The following SLC2A7 variants were observed in gnomAD, a reference collection of about 807,000 sequenced individuals.
SLC2A7 encodes the protein solute carrier family 2 member 7, also known as solute carrier family 2, facilitated glucose transporter member 7.
Under a neutral mutation model 50.5 loss-of-function variants are expected in SLC2A7, and 50 were observed. That is an observed-to-expected ratio of 0.99 (90% confidence interval 0.79 to 1.25). The LOEUF is 1.25. Among genes scored for constraint, SLC2A7 ranks in the 50% most tolerant of loss-of-function variants. SLC2A7 has a pLI of 0.00. For missense variants in SLC2A7, 683 were observed against 679.1 expected, an observed-to-expected ratio of 1.01 and a Z score of -0.06; for synonymous variants, 308 against 300.4, an observed-to-expected ratio of 1.03 and a Z score of -0.26.
chr1:9,007,375 G>C lies in SLC2A7; in HGVS notation c.1127C>G (p.Pro376Arg), dbSNP rs374675660. Residue 376 changes from proline (P) to arginine (R), a missense_variant, in exon 10 of 12, where the codon CCC becomes CGC. Pro to Arg is a moderately radical substitution (Grantham distance 103, BLOSUM62 -2). Coordinates refer to ENST00000400906, the MANE Select transcript of SLC2A7 (RefSeq NM_207420.3). ...TVVLLFQNRV[P>R]ELSYLGIICV... ...GATGATGCCGAGGTAGGACAGCTCG[G>C]GGACCCTGTTCTGTGGGGAGAGGCA... 6.2e-7 allele frequency: 1 copy of C among 1,614,144 alleles called. No homozygotes were observed. The highest frequency in any genetic ancestry group is 8.5e-7 in the Non-Finnish European group (1 of 1,180,008).
At chr1:9,021,383 G>A (rs1640910873) in intron 3 of SLC2A7, among the ~76,000 whole-genome samples, 1 of 152,222 alleles carries the variant, frequency 6.6e-6, no homozygotes, top group East Asian at 1.9e-4. Context: ...CTACAGGTCT[G>A]GGGGTGATGA....
chr1:8,994,920 A>C, the SLC2A7 span, among the ~76,000 whole-genome samples: 1 of 151,428 alleles, frequency 6.6e-6, no homozygotes, highest in African/African-American at 2.4e-5. Flanking sequence ...ACAGGGGCTC[A>C]ACACCACGCC....
chr1:9,009,983 T>A (rs1479743412), intron 9 of SLC2A7, among the ~76,000 whole-genome samples, 160 bp downstream of exon 9: 1 of 152,258 alleles, frequency 6.6e-6, no homozygotes, highest in African/African-American at 2.4e-5. Context: ...TCTGTGACAT[T>A]CACTTCAGGA....
chr1:9,021,389 G>C (rs1240891086), intron 3 of SLC2A7, among the ~76,000 whole-genome samples: 1 of 152,150 alleles, frequency 6.6e-6, no homozygotes, highest in Non-Finnish European at 1.5e-5. Context: ...GTCTGGGGGT[G>C]ATGAAGCTGT....
At chr1:9,024,099 G>C (rs986100462) in intron 2 of SLC2A7, among the ~76,000 whole-genome samples, 5 of 151,972 alleles carry the variant, frequency 3.3e-5, no homozygotes, top group Admixed American at 1.3e-4. Context: ...CAGGTGATCA[G>C]GTGATCCACC....
chr1:9,014,938 G>T, intron 6 of SLC2A7, 70 bp from the exon 7 acceptor site: 1 of 1,511,830 alleles, frequency 6.6e-7, no homozygotes. Flanking sequence ...CCCCATGCTG[G>T]CCCTGAGCTC....
At chr1:8,998,963 G>C (rs1640541999), downstream of SLC2A7, among the ~76,000 whole-genome samples, 1 of 152,136 alleles carries the variant, frequency 6.6e-6, no homozygotes, top group Non-Finnish European at 1.5e-5. Context: ...AGAATGAATT[G>C]AGAAGTGTTC....
intron 5 of SLC2A7, among the ~76,000 whole-genome samples, chr1:9,017,191 T>C (rs1318257003): frequency 1.3e-5 from 2 of 152,090 alleles, no homozygotes; most frequent in Non-Finnish European, 2.9e-5. Context: ...GTGGTGGCGC[T>C]CGCTTGTAAT....
intron 8 of SLC2A7, among the ~76,000 whole-genome samples, chr1:9,011,066 C>T (rs11121294): frequency 0.37 from 56,397 of 151,744 alleles, 10,991 homozygotes; most frequent in East Asian, 0.57. Flanking sequence ...AGACAGCTGG[C>T]ACAGCCCCTG....
intron 2 of SLC2A7, 55 bp downstream of exon 2, chr1:9,024,921 C>G: frequency 6.3e-7 from 1 of 1,592,532 alleles, no homozygotes; most frequent in South Asian, 1.1e-5. Context: ...CTACCTTCCA[C>G]CCACGACCCC....
intron 3 of SLC2A7, 76 bp downstream of exon 3, chr1:9,022,842 C>T (rs1569809713): frequency 7.1e-6 from 11 of 1,559,696 alleles, no homozygotes; most frequent in African/African-American, 1.4e-5. Flanking sequence ...GTCTCCCCAC[C>T]AGGTGCACAA....
At chr1:9,011,670 A>G (rs1640751879) in intron 8 of SLC2A7, among the ~76,000 whole-genome samples, 1 of 146,766 alleles carries the variant, frequency 6.8e-6, no homozygotes, top group African/African-American at 2.5e-5. Flanking sequence ...TTCTCCAACA[A>G]CCAAGCCCAG....
rs1557653846 is a variant in SLC2A7 at position 9,023,835 on chromosome 1, C to CTTTTTTTTTTTTTTTTTTTTT, written c.151-758_151-757insAAAAAAAAAAAAAAAAAAAAA. Among the ~76,000 whole-genome samples, 8 of 65,980 alleles carry CTTTTTTTTTTTTTTTTTTTTT rather than the reference C, an allele frequency of 1.2e-4. 2 individuals are homozygous for CTTTTTTTTTTTTTTTTTTTTT. The highest frequency in any genetic ancestry group is 1.3e-3 in the East Asian group (2 of 1,508). The allele number at this position is 65,980 out of a possible 152,430, so 43.3% of individuals were successfully genotyped here. A position where few individuals can be genotyped will look rare whatever the true frequency, so the allele number is the denominator to read the frequency against. On this transcript the variant is annotated intron_variant, in intron 2 of 11. Transcript: ENST00000400906. ...CAGAGGCACCATAGGAAATATTCTT[C>CTTTTTTTTTTTTTTTTTTTTT]TTCTTTTTTTTTTTTTTTTTTTTTT...
chr1:9,017,091 C>T lies in SLC2A7; in HGVS notation c.589+1132G>A, dbSNP rs946382399. 4.6e-5 allele frequency among the ~76,000 whole-genome samples: 7 copies of T among 152,142 alleles called. No homozygotes were observed. The East Asian group carries it at 7.7e-4, about 17-fold the overall frequency. Reference sequence around the variant, plus strand: ...ATATTCTAGGTAAAAACTGGCCATACGGGTGGATCACCTGAGGTCAGGAGT... The same window carrying T: ...ATATTCTAGGTAAAAACTGGCCATATGGGTGGATCACCTGAGGTCAGGAGT... On this transcript the variant is annotated intron_variant, in intron 5 of 11. Coordinates refer to ENST00000400906, the MANE Select transcript of SLC2A7 (RefSeq NM_207420.3).
At position 9,014,716 on chromosome 1, in the gene SLC2A7, G is replaced by A. The variant is rs751809784; in HGVS notation, c.868C>T (p.Leu290Phe). 6.4e-7 allele frequency: 1 copy of A among 1,567,102 alleles called. No individual in the cohort carries two copies. The highest frequency in any genetic ancestry group is 2.4e-5 in the East Asian group (1 of 42,086). Residue 290 changes from leucine (L) to phenylalanine (F), a missense_variant, in exon 7 of 12, where the codon CTC becomes TTC. Physicochemically the swap from Leu to Phe is conservative, Grantham distance 22. Coordinates refer to ENST00000400906, the MANE Select transcript of SLC2A7 (RefSeq NM_207420.3). ...LRWQLLSIIV[L>F]MAGQQLSGIN... ...CCCGACAGCTGCTGGCCGGCCATGA[G>A]CACGATGATGGAGAGGAGCTGCCAG...
intron 11 of SLC2A7, among the ~76,000 whole-genome samples, 192 bp downstream of exon 11, chr1:9,004,560 C>A (rs1640624532): frequency 6.6e-6 from 1 of 152,154 alleles, no homozygotes; most frequent in Non-Finnish European, 1.5e-5. Context: ...AGGGGATCAC[C>A]CTTCAGTAAC....
chr1:9,025,976 G>A lies in SLC2A7; in HGVS notation c.51+319C>T, dbSNP rs533421095. The stretch of plus-strand genomic sequence containing the variant: ...ACAACCAGACAGAAGGGCAGGATTC[G>A]GGCATTCTTCAGAGGCCATCTCCCC... On this transcript the variant is annotated intron_variant, in intron 1 of 11. Transcript: ENST00000400906. 1.6e-3 allele frequency among the ~76,000 whole-genome samples: 248 copies of A among 152,274 alleles called. 2 individuals are homozygous for A. The highest frequency in any genetic ancestry group is 7.2e-4 in the Non-Finnish European group (49 of 68,016).
chr1:9,025,108 G>C (rs369233036), intron 1 of SLC2A7, 34 bp from the exon 2 acceptor site: 1 of 1,607,082 alleles, frequency 6.2e-7, no homozygotes, highest in African/African-American at 1.3e-5. Context: ...GGGACGCTGT[G>C]GGCTTGGGCC....
At chr1:8,999,678 T>C (rs985723758), downstream of SLC2A7, among the ~76,000 whole-genome samples, 1 of 152,184 alleles carries the variant, frequency 6.6e-6, no homozygotes, top group Non-Finnish European at 1.5e-5. Flanking sequence ...GGAAAGGCTG[T>C]GGGAACAGAA....
Sources: gnomAD v4.1 joint callset for allele counts (sites outside exome capture counted in the v4.1 genomes callset) on GRCh38, gnomAD v4.1.1 for gene constraint, MANE v1.5 for transcripts, NCBI Gene and HGNC (gene_info 2026-07-23, HGNC 2026-07-21) for gene names.